The following CNNM1 variants were observed in gnomAD, a reference collection of about 807,000 sequenced individuals.
CNNM1 encodes the protein metal transporter CNNM1.
CNNM1 carries 44 observed loss-of-function variants against 78.8 expected under a neutral mutation model. That is an observed-to-expected ratio of 0.56 (90% CI 0.44 to 0.72). The LOEUF is 0.72. CNNM1 is among the 30% of genes least tolerant of loss of function. CNNM1 has a pLI of 0.00. For missense variants in CNNM1, 1,101 were observed against 1,292.2 expected, an observed-to-expected ratio of 0.85 and a Z score of 2.27; for synonymous variants, 584 against 581.5, an observed-to-expected ratio of 1.00 and a Z score of -0.06.
At chr10:99,345,164 C>T (rs2030639015) in intron 1 of CNNM1, among the ~76,000 whole-genome samples, 1 of 152,156 alleles carries the variant, frequency 6.6e-6, no homozygotes, top group Non-Finnish European at 1.5e-5. Flanking sequence ...TTAGTAATAA[C>T]AACCCCCCTT....
intron 9 of CNNM1, 41 bp from the exon 10 acceptor site, chr10:99,390,265 G>A (rs372375744): frequency 1.4e-4 from 203 of 1,421,468 alleles, no homozygotes; most frequent in Non-Finnish European, 1.9e-4. Context: ...GCCTGAGTGT[G>A]TAGGTTGAGA....
At chr10:99,365,273 G>A in intron 6 of CNNM1, 1 of 582,452 alleles carries the variant, frequency 1.7e-6, no homozygotes, top group South Asian at 2.0e-5. Flanking sequence ...ACTGCTTATT[G>A]CCACCTTCCA....
chr10:99,369,990 T>A (rs1414103806), intron 6 of CNNM1, among the ~76,000 whole-genome samples: 1 of 152,180 alleles, frequency 6.6e-6, no homozygotes, highest in African/African-American at 2.4e-5. Flanking sequence ...GCCCAAAAGA[T>A]CAAAGCGAGG....
chr10:99,393,373 TCCATAGTTGGA>T lies in CNNM1; in HGVS notation c.*1859_*1869del, dbSNP rs957071230. On this transcript the variant is annotated 3_prime_UTR_variant, in exon 11 of 11. Transcript: ENST00000356713. ...ACTTGGGGTCCATCACCCCAGGGGG[TCCATAGTTGGA>T]CTTCAGAGGGTCTATGAAACCCCTA... 1 of 152,346 alleles carries T rather than the reference TCCATAGTTGGA, an allele frequency of 6.6e-6. No homozygotes were observed. The highest frequency in any genetic ancestry group is 2.4e-5 in the African/African-American group (1 of 41,358). The allele number at this position is 152,346 out of a possible 1,614,324, so 9.4% of individuals were successfully genotyped here. A position where few individuals can be genotyped will look rare whatever the true frequency, so the allele number is the denominator to read the frequency against.
At chr10:99,370,452 T>C (rs1168037735) in intron 6 of CNNM1, among the ~76,000 whole-genome samples, 2 of 152,204 alleles carry the variant, frequency 1.3e-5, no homozygotes, top group African/African-American at 4.8e-5. Flanking sequence ...CTGGTCTCTA[T>C]CTAGAGCTAA....
chr10:99,366,559 G>A (rs956977449), intron 6 of CNNM1, among the ~76,000 whole-genome samples: 4 of 152,096 alleles, frequency 2.6e-5, no homozygotes, highest in African/African-American at 9.7e-5. Flanking sequence ...CAGGACGGGT[G>A]GATCACATGG....
chr10:99,333,030 G>A (rs192090610), intron 1 of CNNM1, among the ~76,000 whole-genome samples: 20 of 152,322 alleles, frequency 1.3e-4, no homozygotes, highest in Admixed American at 1.1e-3. Context: ...AGATCAAGGT[G>A]TCTGGCAGGT....
At chr10:99,336,006 C>G (rs75489444) in intron 1 of CNNM1, among the ~76,000 whole-genome samples, 1 of 152,138 alleles carries the variant, frequency 6.6e-6, no homozygotes, top group Non-Finnish European at 1.5e-5. Context: ...CTCTGGGTGT[C>G]GTTAGGGCTT....
At chr10:99,341,924 G>A (rs540658079) in intron 1 of CNNM1, among the ~76,000 whole-genome samples, 1 of 152,142 alleles carries the variant, frequency 6.6e-6, no homozygotes, top group Admixed American at 6.5e-5. Context: ...TTTTCTTGAT[G>A]ACGCAGGATC....
chr10:99,374,292 G>A (rs2031899828), intron 6 of CNNM1, among the ~76,000 whole-genome samples: 1 of 152,180 alleles, frequency 6.6e-6, no homozygotes, highest in African/African-American at 2.4e-5. Flanking sequence ...CTGGAGAAGG[G>A]TCTGGTCCTT....
intron 1 of CNNM1, among the ~76,000 whole-genome samples, chr10:99,348,020 A>ATGTG (rs750274417): frequency 2.6e-4 from 37 of 141,908 alleles, no homozygotes; most frequent in East Asian, 1.4e-3. Context: ...TATATATATG[A>ATGTG]TGTGTGTGTG....
At chr10:99,391,390 T>A (rs2032467934) in intron 10 of CNNM1, 47 bp from the exon 11 acceptor site, 1 of 1,415,044 alleles carries the variant, frequency 7.1e-7, no homozygotes, top group South Asian at 1.2e-5. Context: ...CAATTATGAA[T>A]GTTCCTCCAG....
chr10:99,343,740 A>G (rs977861632), intron 1 of CNNM1, among the ~76,000 whole-genome samples: 1 of 151,774 alleles, frequency 6.6e-6, no homozygotes, highest in African/African-American at 2.4e-5. Flanking sequence ...TTTGAGATGG[A>G]GTCTCCCTCT....
chr10:99,376,679 C>T (rs907598812), intron 6 of CNNM1, among the ~76,000 whole-genome samples: 5 of 152,156 alleles, frequency 3.3e-5, no homozygotes, highest in Non-Finnish European at 7.4e-5. Context: ...CGTTCGGGGT[C>T]CTTGTGCACC....
intron 1 of CNNM1, among the ~76,000 whole-genome samples, chr10:99,353,694 T>C (rs1282331045): frequency 6.6e-6 from 1 of 152,240 alleles, no homozygotes; most frequent in Non-Finnish European, 1.5e-5. Flanking sequence ...GGATTGTGAT[T>C]GACAATTCCC....
chr10:99,358,594 C>G lies in CNNM1; in HGVS notation c.1717+939C>G, dbSNP rs370784501. Among the ~76,000 whole-genome samples the G allele has an allele frequency of 3.0e-4, 45 of 152,234 alleles. 1 individual carries two copies. In the South Asian group the frequency reaches 9.3e-3, roughly 32 times the overall value. On this transcript the variant is annotated intron_variant, in intron 2 of 10. Coordinates refer to ENST00000356713, the MANE Select transcript of CNNM1 (RefSeq NM_020348.3). ...TGAGCAGTGCAGAAAGAGTGCCTTC[C>G]TTTTAGACAAAGAAGAGATCAACTC...
In CNNM1 at chr10:99,360,893, CT is replaced by C. The variant is rs772838982; in HGVS notation, c.1778del (p.Leu593CysfsTer11). 27 of 1,613,208 alleles carry C rather than the reference CT, an allele frequency of 1.7e-5. No homozygotes were observed. The highest frequency in any genetic ancestry group is 2.1e-5 in the Non-Finnish European group (25 of 1,179,258). On this transcript the variant is annotated frameshift_variant, in exon 3 of 11. Transcript: ENST00000356713. LOFTEE classifies it high-confidence loss of function. ...GGGAGCGGAAGCGGCATGACTTCTC[CT>C]TGTTTAAGCTTTCGGACACGGAGAT... is the stretch of plus-strand genomic sequence containing the variant. ...QRERKRHDFS[L>X]FKLSDTEMRV...
intron 1 of CNNM1, among the ~76,000 whole-genome samples, chr10:99,357,091 T>G (rs556442778): frequency 3.3e-5 from 5 of 152,136 alleles, no homozygotes; most frequent in African/African-American, 1.2e-4. Flanking sequence ...GGTAATTCAG[T>G]GGAGATTAAA....
rs544853491 is a variant in CNNM1 at position 99,366,639 on chromosome 10, A to C, written c.2176+1637A>C. Among the ~76,000 whole-genome samples the C allele has an allele frequency of 5.3e-5, 8 of 152,246 alleles. No homozygotes were observed. In the South Asian group the frequency reaches 1.7e-3, roughly 32 times the overall value. ...TCTACTAAAAATACAAAAATTAGCC[A>C]GGCATGGTAGCACGTGCCTTTGATC... On this transcript the variant is annotated intron_variant, in intron 6 of 10. Transcript: ENST00000356713.
Sources: allele counts gnomAD v4.1 joint callset (sites outside exome capture counted in the v4.1 genomes callset), GRCh38; gene constraint gnomAD v4.1.1; transcripts MANE v1.5; gene names NCBI Gene and HGNC (gene_info 2026-07-23, HGNC 2026-07-21).